Variants in RBP5 observed in about 807,000 individuals in gnomAD.
RBP5 encodes the protein retinol-binding protein 5.
RBP5 carries 12 observed loss-of-function variants against 17.8 expected under a neutral mutation model. The observed-to-expected ratio is 0.67, with a 90% confidence interval of 0.43 to 1.09. The LOEUF (loss-of-function observed/expected upper bound fraction) is 1.09, where lower values mean the gene tolerates loss of function less well. Ranked by LOEUF, RBP5 falls within the 50% of genes least tolerant of loss-of-function variation. The pLI, the probability that RBP5 is intolerant of heterozygous loss-of-function variation, is 0.00. For missense variants in RBP5, 172 were observed against 169.4 expected (o/e 1.02, Z -0.09); for synonymous variants, 64 against 68.1 (o/e 0.94, Z 0.30).
At chr12:7,122,172 A>G (rs1939090818), downstream of RBP5, 1 of 152,176 alleles carries the variant, frequency 6.6e-6, no homozygotes, top group South Asian at 2.1e-4. Flanking sequence ...GAATTTGGAG[A>G]ATCCCTGGCT....
downstream of RBP5, among the ~76,000 whole-genome samples, chr12:7,122,979 C>G (rs960826598): frequency 9.2e-5 from 14 of 152,062 alleles, no homozygotes; most frequent in African/African-American, 3.4e-4. Context: ...CCAGCCGTTG[C>G]AGGAAGATGG....
chr12:7,126,925 C>T (rs1002574174), intron 2 of RBP5, among the ~76,000 whole-genome samples: 11 of 152,080 alleles, frequency 7.2e-5, no homozygotes, highest in African/African-American at 2.7e-4. Flanking sequence ...CCTGCCTCAG[C>T]CTCCCAAGTA....
chr12:7,124,635 C>G lies in RBP5; in HGVS notation c.348G>C (p.Leu116=). 6.9e-7 allele frequency: 1 copy of G among 1,449,748 alleles called. No individual in the cohort carries two copies. Among genetic ancestry groups the G allele is most frequent in the Non-Finnish European group, 9.7e-7 (1 of 1,032,028 alleles). 89.8% of individuals were successfully genotyped at this position (1,449,748 alleles called of 1,614,324 possible). The stretch of plus-strand genomic sequence containing the variant: ...CAGCCCCCACCCCATTTACCAGATA[C>G]AGCATCTCTCCCTCCAGCCAGTGTC... ...GWRHWLEGEM[L]YLELTARDAV... The change falls in exon 3 of 4, where the codon CTG becomes CTC. Residue 116 remains leucine (L), a synonymous_variant. Transcript: ENST00000266560. The surrounding 1 kb of genome is among the most constrained non-coding windows in gnomAD (Gnocchi z 5.3).
upstream of RBP5, chr12:7,129,904 T>G: frequency 1.4e-6 from 1 of 713,528 alleles, no homozygotes; most frequent in Non-Finnish European, 1.7e-6. The surrounding 1 kb of genome is among the most constrained non-coding windows in gnomAD (Gnocchi z 5.5). Context: ...CGGACCGCCC[T>G]GTGGCTTCCT....
Position 7,128,834 on chromosome 12 carries a change from G to T in RBP5, c.-59C>A. 7.4e-7 allele frequency: 1 copy of T among 1,346,834 alleles called. No individual in the cohort carries two copies. The highest frequency in any genetic ancestry group is 2.0e-5 in the Admixed American group (1 of 50,880). 83.4% of individuals were successfully genotyped at this position (1,346,834 alleles called of 1,614,324 possible). On this transcript the variant is annotated 5_prime_UTR_variant, in exon 1 of 4. Coordinates refer to ENST00000266560, the MANE Select transcript of RBP5 (RefSeq NM_031491.4). The surrounding 1 kb of genome is among the most constrained non-coding windows in gnomAD (Gnocchi z 5.3). ...ACAGGGTGAGGAAGGAGGGGGTGTTGTCTGGCAGGTGAGGCTGAGAGATTC... is the reference window on the plus strand; with the variant it reads ...ACAGGGTGAGGAAGGAGGGGGTGTTTTCTGGCAGGTGAGGCTGAGAGATTC...
chr12:7,127,622 T>C (rs1939195631), intron 2 of RBP5: 3 of 697,480 alleles, frequency 4.3e-6, no homozygotes, highest in Non-Finnish European at 7.9e-6. Flanking sequence ...CCCATGAATA[T>C]GGAGGGCCAA....
chr12:7,123,771 T>G lies in RBP5; in HGVS notation c.*350A>C. Reference sequence around the variant, plus strand: ...GATAGAATTTTCACTAATCGCCAAATGCCCAAAGCTTAGTTCTTTCTTAGA... The same window carrying G: ...GATAGAATTTTCACTAATCGCCAAAGGCCCAAAGCTTAGTTCTTTCTTAGA... On this transcript the variant is annotated 3_prime_UTR_variant, in exon 4 of 4. Transcript: ENST00000266560. The G allele has an allele frequency of 4.6e-6, 1 of 217,082 alleles. No individual in the cohort carries two copies. 13.4% of individuals were successfully genotyped at this position (217,082 alleles called of 1,614,324 possible). A position where few individuals can be genotyped will look rare whatever the true frequency, so the allele number is the denominator to read the frequency against.
Position 7,117,295 on chromosome 12 carries a change from TCA to T in RBP5, n.900_901del, listed in dbSNP as rs1939017309. The T allele has an allele frequency of 6.6e-6, 1 of 152,178 alleles. No individual in the cohort carries two copies. Among genetic ancestry groups the T allele is most frequent in the Non-Finnish European group, 1.5e-5 (1 of 68,032 alleles). The allele number at this position is 152,178 out of a possible 1,614,324, so 9.4% of individuals were successfully genotyped here. On this transcript the variant is annotated non_coding_transcript_exon_variant, in exon 4 of 4. Coordinates refer to the RBP5 transcript ENST00000619522. This position sits in a 1 kb window ranked among gnomAD's most constrained non-coding sequence, Gnocchi z 4.9. ...CATCATTTCTGCCTTATTCCATTGG[TCA>T]CACAGACAACCCGATGTGGAAGGAG...
At chr12:7,118,914 A>AGGAT (rs1307618009), downstream of RBP5, 1 of 153,106 alleles carries the variant, frequency 6.5e-6, no homozygotes, top group African/African-American at 2.4e-5. Context: ...GAAGAAGAAG[A>AGGAT]GGAGGAGGAG....
intron 2 of RBP5, among the ~76,000 whole-genome samples, chr12:7,126,824 G>T (rs1939174114): frequency 6.6e-6 from 1 of 151,896 alleles, no homozygotes; most frequent in Non-Finnish European, 1.5e-5. Context: ...TTATCATTTT[G>T]ATACAGAGTC....
chr12:7,127,651 T>A (rs957691536), intron 2 of RBP5: 1 of 702,188 alleles, frequency 1.4e-6, no homozygotes, highest in African/African-American at 1.7e-5. Context: ...TGTAGGCAGT[T>A]GAAAACATTG....
chr12:7,124,315 A>G lies in RBP5; in HGVS notation c.355-141T>C. 1.3e-6 allele frequency: 1 copy of G among 753,310 alleles called. No homozygotes were observed. Among genetic ancestry groups the G allele is most frequent in the East Asian group, 2.7e-5 (1 of 37,092 alleles). 46.7% of individuals were successfully genotyped at this position (753,310 alleles called of 1,614,324 possible). ...TTGATGTATGGGCAATTGTATCATT[A>G]TTCCACATCCTCAACTTTCCACCCC... On this transcript the variant is annotated intron_variant, in intron 3 of 3. Coordinates refer to ENST00000266560, the MANE Select transcript of RBP5 (RefSeq NM_031491.4). The surrounding 1 kb of genome is among the most constrained non-coding windows in gnomAD (Gnocchi z 5.3).
Position 7,128,810 on chromosome 12 carries a change from CAG to C in RBP5, c.-37_-36del. The C allele has an allele frequency of 2.6e-6, 4 of 1,533,742 alleles. No individual in the cohort carries two copies. Among genetic ancestry groups the C allele is most frequent in the Non-Finnish European group, 3.6e-6 (4 of 1,123,476 alleles). ...GAAGGTTTCAGGAGAATGCAGGAGA[CAG>C]GGTGAGGAAGGAGGGGGTGTTGTCT... On this transcript the variant is annotated 5_prime_UTR_variant, in exon 1 of 4. Transcript: ENST00000266560. This position sits in a 1 kb window ranked among gnomAD's most constrained non-coding sequence, Gnocchi z 5.3.
Position 7,128,826 on chromosome 12 carries a change from G to T in RBP5, c.-51C>A, listed in dbSNP as rs117625451. ...TGCAGGAGACAGGGTGAGGAAGGAG[G>T]GGGTGTTGTCTGGCAGGTGAGGCTG... is the stretch of plus-strand genomic sequence containing the variant. On this transcript the variant is annotated 5_prime_UTR_variant, in exon 1 of 4. Coordinates refer to ENST00000266560, the MANE Select transcript of RBP5 (RefSeq NM_031491.4). The surrounding 1 kb of genome is among the most constrained non-coding windows in gnomAD (Gnocchi z 5.3). The T allele has an allele frequency of 2.1e-6, 3 of 1,445,058 alleles. No individual in the cohort carries two copies. Among genetic ancestry groups the T allele is most frequent in the East Asian group, 2.4e-5 (1 of 41,386 alleles). The allele number at this position is 1,445,058 out of a possible 1,614,324, so 89.5% of individuals were successfully genotyped here.
chr12:7,124,975 C>T lies in RBP5; in HGVS notation c.253-245G>A, dbSNP rs1565644856. Among the ~76,000 whole-genome samples, 1 of 152,110 alleles carries T rather than the reference C, an allele frequency of 6.6e-6. No homozygotes were observed. The highest frequency in any genetic ancestry group is 2.4e-5 in the African/African-American group (1 of 41,400). ...AGGCTGGAGTGCAGTGGCAGGATCT[C>T]GGCTCACTGCAACCTCTGCCTCCTG... On this transcript the variant is annotated intron_variant, in intron 2 of 3. Transcript: ENST00000266560. This position sits in a 1 kb window ranked among gnomAD's most constrained non-coding sequence, Gnocchi z 5.3.
upstream of RBP5, chr12:7,129,724 C>G: frequency 1.0e-6 from 1 of 985,510 alleles, no homozygotes; most frequent in Non-Finnish European, 1.2e-6. This position sits in a 1 kb window ranked among gnomAD's most constrained non-coding sequence, Gnocchi z 5.5. Flanking sequence ...TGCCATCGTC[C>G]CGGGCTTCAG....
In RBP5 at chr12:7,123,940, G is replaced by A; in HGVS notation, c.*181C>T. ...CTATTGGGCAGTGGAGTGTGAGAAAGGACTTTGGCCTGGGGGCTGCAAGTT... is the reference window on the plus strand; with the variant it reads ...CTATTGGGCAGTGGAGTGTGAGAAAAGACTTTGGCCTGGGGGCTGCAAGTT... On this transcript the variant is annotated 3_prime_UTR_variant, in exon 4 of 4. Coordinates refer to ENST00000266560, the MANE Select transcript of RBP5 (RefSeq NM_031491.4). 1.6e-6 allele frequency: 1 copy of A among 610,886 alleles called. No homozygotes were observed. The highest frequency in any genetic ancestry group is 4.3e-4 in the Middle Eastern group (1 of 2,306). 37.8% of individuals were successfully genotyped at this position (610,886 alleles called of 1,614,324 possible).
downstream of RBP5, among the ~76,000 whole-genome samples, chr12:7,121,511 G>T (rs967184790): frequency 6.6e-6 from 1 of 152,178 alleles, no homozygotes. Flanking sequence ...CGAGGGGAGA[G>T]GTGGGCAGTG....
chr12:7,122,679 A>G (rs778412772), downstream of RBP5, among the ~76,000 whole-genome samples: 8 of 151,508 alleles, frequency 5.3e-5, no homozygotes, highest in African/African-American at 1.9e-4. Flanking sequence ...TGATCTGGAG[A>G]TGTGGGCAAT....
Sources: allele counts gnomAD v4.1 joint callset (sites outside exome capture counted in the v4.1 genomes callset), GRCh38; gene constraint gnomAD v4.1.1; non-coding constraint Gnocchi (gnomAD v3.1); transcripts MANE v1.5; gene names NCBI Gene and HGNC (gene_info 2026-07-23, HGNC 2026-07-21).